The following MARCHF1 variants were observed in gnomAD, a reference collection of about 807,000 sequenced individuals.
The protein encoded by MARCHF1 is membrane associated ring-CH-type finger 1.
Under a neutral mutation model 54.2 loss-of-function variants are expected in MARCHF1, and 40 were observed. The ratio of observed to expected loss-of-function variants is 0.74; its 90% CI spans 0.57 to 0.96. The LOEUF is 0.96. Ranked by LOEUF, MARCHF1 falls within the 40% of genes least tolerant of loss-of-function variation. The pLI, the probability that MARCHF1 is intolerant of heterozygous loss-of-function variation, is 0.00. For missense variants in MARCHF1, 586 were observed against 656.5 expected, an observed-to-expected ratio of 0.89 and a Z score of 1.17; for synonymous variants, 236 against 236.3, an observed-to-expected ratio of 1.00 and a Z score of 0.01.
intron 5 of MARCHF1, among the ~76,000 whole-genome samples, chr4:163,646,544 C>G (rs1742766564): frequency 6.6e-6 from 1 of 151,694 alleles, no homozygotes; most frequent in South Asian, 2.1e-4. Flanking sequence ...GATTAAAAGA[C>G]AAAACTATTA....
intron 3 of MARCHF1, among the ~76,000 whole-genome samples, chr4:163,872,227 G>A (rs1750184010): frequency 6.6e-6 from 1 of 152,174 alleles, no homozygotes; most frequent in South Asian, 2.1e-4. Context: ...GGCTATCTGA[G>A]CATGTGTGTC....
chr4:164,180,693 C>T (rs532738285), intron 1 of MARCHF1, among the ~76,000 whole-genome samples: 144 of 152,226 alleles, frequency 9.5e-4, no homozygotes, highest in African/African-American at 3.2e-3. Context: ...TCACCCTAAT[C>T]CTCAGAGACA....
At chr4:163,775,679 G>C (rs961547518) in intron 4 of MARCHF1, among the ~76,000 whole-genome samples, 3 of 152,082 alleles carry the variant, frequency 2.0e-5, no homozygotes, top group African/African-American at 7.2e-5. Context: ...ATAATAAGAA[G>C]GCGGCTAGGA....
chr4:163,846,468 T>C (rs915288866), intron 4 of MARCHF1, among the ~76,000 whole-genome samples: 3 of 152,094 alleles, frequency 2.0e-5, no homozygotes, highest in African/African-American at 7.2e-5. Context: ...AGACTAAAAG[T>C]AGAAGATGGG....
intron 4 of MARCHF1, among the ~76,000 whole-genome samples, chr4:163,761,765 A>G (rs1247118124): frequency 6.9e-6 from 1 of 144,562 alleles, no homozygotes; most frequent in Admixed American, 7.1e-5. Flanking sequence ...TTATGATCTA[A>G]TAAAATATTT....
intron 4 of MARCHF1, chr4:163,828,910 CAG>C (rs1219617878): frequency 6.6e-6 from 1 of 152,176 alleles, no homozygotes; most frequent in Non-Finnish European, 1.5e-5. Flanking sequence ...AGGTTCTAGA[CAG>C]AGGTATAGAG....
chr4:164,292,539 T>C (rs975221019), intron 1 of MARCHF1, among the ~76,000 whole-genome samples: 1 of 152,188 alleles, frequency 6.6e-6, no homozygotes, highest in Non-Finnish European at 1.5e-5. Flanking sequence ...GGTTTTCACA[T>C]GGTTTGTTTA....
chr4:163,907,952 T>C (rs4267695), intron 3 of MARCHF1, among the ~76,000 whole-genome samples: 143,298 of 152,140 alleles, frequency 0.94, 67,904 homozygotes, highest in South Asian at 0.99. Flanking sequence ...TGTTAGAATA[T>C]ATTATTGCAC....
intron 1 of MARCHF1, among the ~76,000 whole-genome samples, chr4:164,117,848 C>T (rs546107278): frequency 7.9e-5 from 12 of 151,958 alleles, no homozygotes; most frequent in Admixed American, 2.0e-4. Context: ...TGCAGTGAGC[C>T]GAGATCCACC....
chr4:163,967,723 G>T (rs906855724), intron 3 of MARCHF1, among the ~76,000 whole-genome samples: 7 of 152,062 alleles, frequency 4.6e-5, no homozygotes, highest in African/African-American at 1.4e-4. Flanking sequence ...AAGAGAGGGG[G>T]AATTTGTTAT....
chr4:163,821,248 G>T (rs1748684665), intron 4 of MARCHF1, among the ~76,000 whole-genome samples: 1 of 151,834 alleles, frequency 6.6e-6, no homozygotes, highest in Non-Finnish European at 1.5e-5. Context: ...CTTCAAGACG[G>T]CCTTATTTTC....
chr4:163,869,560 G>A (rs1374352434), intron 3 of MARCHF1, among the ~76,000 whole-genome samples: 1 of 152,028 alleles, frequency 6.6e-6, no homozygotes, highest in East Asian at 1.9e-4. Context: ...CAAATTATAT[G>A]TTGCTACTGT....
intron 1 of MARCHF1, among the ~76,000 whole-genome samples, chr4:164,121,231 AT>A (rs1320923539): frequency 2.0e-5 from 3 of 152,124 alleles, no homozygotes; most frequent in Admixed American, 1.3e-4. Context: ...AAATGGACAA[AT>A]TTCTAGATGC....
chr4:163,536,538 A>G (rs562383934), intron 9 of MARCHF1, among the ~76,000 whole-genome samples: 36 of 152,258 alleles, frequency 2.4e-4, no homozygotes, highest in African/African-American at 8.4e-4. Flanking sequence ...TCATGCTATA[A>G]TCTTGACGAG....
chr4:163,664,943 A>G (rs1284281890), intron 5 of MARCHF1, among the ~76,000 whole-genome samples: 2 of 152,056 alleles, frequency 1.3e-5, no homozygotes, highest in Non-Finnish European at 2.9e-5. Flanking sequence ...AAATGAACAT[A>G]TCATAATGAA....
At chr4:164,310,114 T>C (rs1334911524) in intron 1 of MARCHF1, among the ~76,000 whole-genome samples, 1 of 152,154 alleles carries the variant, frequency 6.6e-6, no homozygotes, top group Non-Finnish European at 1.5e-5. Context: ...AGTCTCGCTC[T>C]GTCGCCAGGC....
At chr4:164,040,251 G>A (rs1017117385) in intron 2 of MARCHF1, among the ~76,000 whole-genome samples, 7 of 142,412 alleles carry the variant, frequency 4.9e-5, no homozygotes, top group Admixed American at 7.2e-5. Context: ...TTATATATAC[G>A]TATATGTAAT....
chr4:164,197,830 A>G, intron 1 of MARCHF1: 2 of 1,491,786 alleles, frequency 1.3e-6, no homozygotes, highest in South Asian at 2.6e-5. Context: ...TCGGTTCTCG[A>G]GCCCCAATAT....
At chr4:164,004,178 T>G (rs986666476) in intron 2 of MARCHF1, among the ~76,000 whole-genome samples, 1 of 151,838 alleles carries the variant, frequency 6.6e-6, no homozygotes, top group African/African-American at 2.4e-5. Flanking sequence ...AGCTAATGCA[T>G]GTGGGGCTTA....
Sources: gnomAD v4.1 joint callset for allele counts (sites outside exome capture counted in the v4.1 genomes callset) on GRCh38, gnomAD v4.1.1 for gene constraint, MANE v1.5 for transcripts, NCBI Gene and HGNC (gene_info 2026-07-23, HGNC 2026-07-21) for gene names.